Variants in RHOBTB3 observed in about 807,000 individuals in gnomAD.
RHOBTB3 encodes the protein rho-related BTB domain-containing protein 3.
A neutral mutation model predicts 67.2 loss-of-function variants in RHOBTB3; 47 were observed. The observed-to-expected ratio is 0.70, with a 90% CI of 0.55 to 0.89. The LOEUF (loss-of-function observed/expected upper bound fraction) is 0.89. Ranked by LOEUF, RHOBTB3 falls within the 40% of genes least tolerant of loss-of-function variation. RHOBTB3 has a pLI of 0.00. For missense variants in RHOBTB3, 631 were observed against 750.0 expected (o/e 0.84, Z 1.85); for synonymous variants, 273 against 274.2 (o/e 1.00, Z 0.04).
At chr5:95,767,740 G>A in intron 7 of RHOBTB3, 2 of 684,606 alleles carry the variant, frequency 2.9e-6, no homozygotes. Context: ...GACTACTGTT[G>A]TCTGTTTCTC....
chr5:95,749,083 A>G (rs1358419787), intron 4 of RHOBTB3, among the ~76,000 whole-genome samples: 1 of 152,234 alleles, frequency 6.6e-6, no homozygotes, highest in African/African-American at 2.4e-5. Flanking sequence ...AGCACCTCCC[A>G]TATAGTATTA....
intron 2 of RHOBTB3, among the ~76,000 whole-genome samples, chr5:95,736,021 G>T (rs1755446609): frequency 6.6e-6 from 1 of 152,154 alleles, no homozygotes; most frequent in African/African-American, 2.4e-5. Context: ...GGAATTGCTT[G>T]AACTTGGGAG....
chr5:95,763,296 C>T (rs2112808783), intron 6 of RHOBTB3, among the ~76,000 whole-genome samples: 1 of 152,194 alleles, frequency 6.6e-6, no homozygotes, highest in East Asian at 1.9e-4. Flanking sequence ...GGGAGGAAGA[C>T]TTCAGATTTT....
chr5:95,776,787 G>A (rs550548667), intron 8 of RHOBTB3, among the ~76,000 whole-genome samples: 3 of 152,232 alleles, frequency 2.0e-5, no homozygotes, highest in South Asian at 2.1e-4. Flanking sequence ...TACTAATTCC[G>A]ACTTTGTGAT....
chr5:95,756,471 T>A (rs1045863645), intron 6 of RHOBTB3, among the ~76,000 whole-genome samples: 2 of 152,232 alleles, frequency 1.3e-5, no homozygotes, highest in Admixed American at 1.3e-4. Context: ...GTGAACATAG[T>A]GTACAAATAT....
chr5:95,756,004 T>C (rs932759918), intron 6 of RHOBTB3: 1 of 452,994 alleles, frequency 2.2e-6, no homozygotes, highest in South Asian at 3.6e-5. Context: ...GTAAAATACA[T>C]AGAACATAAA....
chr5:95,763,446 G>T, intron 6 of RHOBTB3, 62 bp from the exon 7 acceptor site: 2 of 941,478 alleles, frequency 2.1e-6, no homozygotes, highest in Non-Finnish European at 3.4e-6. Context: ...TTTAATAAGA[G>T]ATTTACTTTT....
At chr5:95,734,068 T>C (rs1755385904) in intron 2 of RHOBTB3, among the ~76,000 whole-genome samples, 1 of 152,218 alleles carries the variant, frequency 6.6e-6, no homozygotes, top group African/African-American at 2.4e-5. Context: ...GTATAGAGGC[T>C]GGCATTTAGT....
rs750026779 is a variant in RHOBTB3, at chr5:95,731,842, C to G, written c.3-17C>G. The G allele has an allele frequency of 1.2e-6, 2 of 1,607,432 alleles. No homozygotes were observed. Among genetic ancestry groups the G allele is most frequent in the South Asian group, 2.2e-5 (2 of 90,652 alleles). ...GACCGTGCTTCCCTTCTCCCCTCGC[C>G]CCCTCTGTCCGTGCAGGTCCATCCA... On this transcript the variant is annotated splice_polypyrimidine_tract_variant and intron_variant, in intron 1 of 11. Coordinates refer to ENST00000379982, the MANE Select transcript of RHOBTB3 (RefSeq NM_014899.4).
chr5:95,774,948 A>G (rs1244450132), intron 8 of RHOBTB3, among the ~76,000 whole-genome samples: 1 of 152,184 alleles, frequency 6.6e-6, no homozygotes, highest in Non-Finnish European at 1.5e-5. Context: ...TAGAGATTAT[A>G]TATGTAAATC....
intron 9 of RHOBTB3, among the ~76,000 whole-genome samples, chr5:95,783,323 C>T (rs138779144): frequency 0.013 from 1,890 of 150,900 alleles, 37 homozygotes; most frequent in African/African-American, 0.044. Context: ...GAGGTTTCAC[C>T]ATGTCCGCCA....
intron 7 of RHOBTB3, among the ~76,000 whole-genome samples, chr5:95,767,445 C>G (rs539266633): frequency 6.6e-6 from 1 of 151,794 alleles, no homozygotes; most frequent in East Asian, 1.9e-4. Context: ...TCAAGTGATT[C>G]TACTGCCTCA....
At chr5:95,758,808 C>G (rs181591906) in intron 6 of RHOBTB3, among the ~76,000 whole-genome samples, 1 of 152,278 alleles carries the variant, frequency 6.6e-6, no homozygotes, top group East Asian at 1.9e-4. Flanking sequence ...TTCTGCATTT[C>G]CAGTAGTCTC....
intron 7 of RHOBTB3, 48 bp from the exon 8 acceptor site, chr5:95,767,998 C>T (rs768119451): frequency 1.3e-6 from 2 of 1,584,788 alleles, no homozygotes; most frequent in South Asian, 2.2e-5. Context: ...TATATGTTAT[C>T]AAAGCATGTT....
upstream of RHOBTB3, chr5:95,731,216 C>T: frequency 5.0e-6 from 5 of 1,003,334 alleles, no homozygotes; most frequent in Non-Finnish European, 5.9e-6. Context: ...GAGCGCGTCC[C>T]CCGCATCCGC....
intron 3 of RHOBTB3, among the ~76,000 whole-genome samples, chr5:95,739,842 G>C (rs1755549580): frequency 6.6e-6 from 1 of 152,300 alleles, no homozygotes; most frequent in Non-Finnish European, 1.5e-5. Context: ...ACCACACCTG[G>C]CAACAGATCT....
intron 2 of RHOBTB3, among the ~76,000 whole-genome samples, chr5:95,736,150 G>C (rs1755451142): frequency 6.6e-6 from 1 of 152,150 alleles, no homozygotes; most frequent in Admixed American, 6.5e-5. Flanking sequence ...ACTGGCCCCA[G>C]TTCTAAATAA....
At chr5:95,769,145 C>T in intron 8 of RHOBTB3, 1 of 366,954 alleles carries the variant, frequency 2.7e-6, no homozygotes. Flanking sequence ...GATGCCGTAG[C>T]TGCTACAGTG....
At chr5:95,749,137 A>G (rs993400919) in intron 4 of RHOBTB3, among the ~76,000 whole-genome samples, 22 of 152,222 alleles carry the variant, frequency 1.4e-4, no homozygotes, top group Non-Finnish European at 1.5e-4. Context: ...TGTATCATTT[A>G]AGAATTTGCT....
Sources: allele counts gnomAD v4.1 joint callset (sites outside exome capture counted in the v4.1 genomes callset), GRCh38; gene constraint gnomAD v4.1.1; transcripts MANE v1.5; gene names NCBI Gene and HGNC (gene_info 2026-07-23, HGNC 2026-07-21).